The following TRPA1 variants were observed in gnomAD, a reference collection of about 807,000 sequenced individuals.
The protein encoded by TRPA1 is ankyrin-like with transmembrane domains 1.
TRPA1 carries 129 observed loss-of-function variants against 131.3 expected under a neutral mutation model. The ratio of observed to expected loss-of-function variants is 0.98; its 90% confidence interval spans 0.85 to 1.14. The LOEUF (loss-of-function observed/expected upper bound fraction) is 1.14. Ranked by LOEUF, TRPA1 falls within the 50% of genes most tolerant of loss-of-function variation. TRPA1 has a pLI of 0.00. For missense variants in TRPA1, 1,304 were observed against 1,354.2 expected, an observed-to-expected ratio of 0.96 and a Z score of 0.58; for synonymous variants, 441 against 451.7, an observed-to-expected ratio of 0.98 and a Z score of 0.30.
At chr8:72,087,443 C>T in the TRPA1 span, among the ~76,000 whole-genome samples, 6 of 152,104 alleles carry the variant, frequency 3.9e-5, no homozygotes, top group African/African-American at 1.2e-4. Context: ...CATATAGATG[C>T]TCCTGTACTT....
chr8:72,043,364 A>C (rs1440831512), intron 17 of TRPA1, among the ~76,000 whole-genome samples: 1 of 151,908 alleles, frequency 6.6e-6, no homozygotes. Context: ...ACAGCCTAGA[A>C]ACATATGAAT....
rs1585859517 is a variant in TRPA1, at chr8:72,044,499, T to TATTTTTTTATTTGC, written c.2061+2013_2061+2014insGCAAATAAAAAAAT. Among the ~76,000 whole-genome samples, 3 of 152,108 alleles carry TATTTTTTTATTTGC rather than the reference T, an allele frequency of 2.0e-5. No individual in the cohort carries two copies. In the East Asian group the frequency reaches 5.8e-4, roughly 29 times the overall value. ...AAACTAATAACAAATACAGAAAACCTACCCCTTGAGGCATGCAAGTACATT... is the reference window on the plus strand; with the variant it reads ...AAACTAATAACAAATACAGAAAACCTATTTTTTTATTTGCACCCCTTGAGGCATGCAAGTACATT... On this transcript the variant is annotated intron_variant, in intron 17 of 26. Transcript: ENST00000262209.
chr8:72,039,078 T>C (rs774555509), intron 18 of TRPA1, 51 bp from the exon 19 acceptor site: 40 of 1,583,248 alleles, frequency 2.5e-5, no homozygotes, highest in African/African-American at 5.4e-5. Flanking sequence ...CAAAAATATT[T>C]ACTTAAGATA....
rs1307882805 is a variant in TRPA1, at chr8:72,033,813, G to C, written c.2699C>G (p.Ser900Cys). The C allele has an allele frequency of 2.5e-6, 4 of 1,613,860 alleles. No individual in the cohort carries two copies. The highest frequency in any genetic ancestry group is 2.7e-5 in the African/African-American group (2 of 74,910). The change falls in exon 23 of 27, where the codon TCT (serine) becomes TGT (cysteine). Residue 900 changes from serine (S) to cysteine (C), a missense_variant. Coordinates refer to ENST00000262209, the MANE Select transcript of TRPA1 (RefSeq NM_007332.3). ...ILLNLQDPFS[S>C]PLLSIIQTFS... ...GGTCTGGATTATAGAAAGCAATGGA[G>C]AGCTGAAGGGATCCTGAAAGCAGAC...
At chr8:72,054,136 G>A in intron 12 of TRPA1, 1 of 449,052 alleles carries the variant, frequency 2.2e-6, no homozygotes, top group Non-Finnish European at 4.1e-6. Flanking sequence ...AACACTTTGG[G>A]GTAGGAGAAG....
At chr8:72,068,772 G>A (rs936529029) in intron 3 of TRPA1, among the ~76,000 whole-genome samples, 4 of 152,180 alleles carry the variant, frequency 2.6e-5, no homozygotes, top group African/African-American at 9.7e-5. Context: ...TTGCTTAGAT[G>A]AGAATTCAAT....
intron 2 of TRPA1, 83 bp downstream of exon 2, chr8:72,071,628 T>G: frequency 6.5e-7 from 1 of 1,529,142 alleles, no homozygotes; most frequent in Non-Finnish European, 9.0e-7. Context: ...CTAATTACCC[T>G]TAAAAATCAC....
At chr8:72,056,830 TATA>T (rs1325007870) in intron 10 of TRPA1, 84 bp downstream of exon 10, 15 of 932,720 alleles carry the variant, frequency 1.6e-5, no homozygotes, top group African/African-American at 3.3e-5. Context: ...AATCAGTTTA[TATA>T]ATAACAAAAA....
chr8:72,075,633 G>C, upstream of TRPA1: 1 of 563,196 alleles, frequency 1.8e-6, no homozygotes, highest in Non-Finnish European at 3.2e-6. Context: ...AAGCAGGCGG[G>C]GCGCGGAGAG....
chr8:72,026,889 T>C (rs1486293398), intron 24 of TRPA1, among the ~76,000 whole-genome samples: 2 of 152,164 alleles, frequency 1.3e-5, no homozygotes, highest in Non-Finnish European at 2.9e-5. Flanking sequence ...GTAAGAACTT[T>C]CCTGACACCA....
intron 15 of TRPA1, among the ~76,000 whole-genome samples, chr8:72,049,947 T>C (rs1184438546): frequency 6.8e-6 from 1 of 148,064 alleles, no homozygotes; most frequent in Non-Finnish European, 1.5e-5. Context: ...TTTTTTTTTT[T>C]AATTTTTATT....
rs572580669 is a variant in TRPA1 at position 72,021,763 on chromosome 8, A to T, written c.*1143T>A. 10 of 152,302 alleles carry T rather than the reference A, an allele frequency of 6.6e-5. No individual in the cohort carries two copies. Among genetic ancestry groups the T allele is most frequent in the African/African-American group, 2.4e-4 (10 of 41,566 alleles). The allele number at this position is 152,302 out of a possible 1,614,324, so 9.4% of individuals were successfully genotyped here. A position where few individuals can be genotyped will look rare whatever the true frequency, so the allele number is the denominator to read the frequency against. On this transcript the variant is annotated 3_prime_UTR_variant, in exon 27 of 27. Transcript: ENST00000262209. ...GGCCCCGTACTAGATGGAATACAGT[A>T]ACACAGTTGTATCTTGTAAACATCA...
chr8:72,034,807 T>C (rs1264084911), intron 21 of TRPA1, among the ~76,000 whole-genome samples: 2 of 152,168 alleles, frequency 1.3e-5, no homozygotes, highest in Non-Finnish European at 2.9e-5. Flanking sequence ...CTTCCCAAAG[T>C]GCTAGGATTG....
At chr8:72,089,388 C>T in the TRPA1 span, among the ~76,000 whole-genome samples, 4 of 151,998 alleles carry the variant, frequency 2.6e-5, no homozygotes, top group Non-Finnish European at 5.9e-5. Flanking sequence ...ACAACCCACA[C>T]GAGTAAGACC....
intron 25 of TRPA1, among the ~76,000 whole-genome samples, chr8:72,025,070 C>T (rs1286393286): frequency 6.6e-6 from 1 of 151,120 alleles, no homozygotes; most frequent in Non-Finnish European, 1.5e-5. Flanking sequence ...ACTTAATTAC[C>T]TCATTTTCTA....
At chr8:72,060,196 T>C (rs1052326350) in intron 7 of TRPA1, among the ~76,000 whole-genome samples, 2 of 151,834 alleles carry the variant, frequency 1.3e-5, no homozygotes, top group Admixed American at 1.3e-4. Context: ...GGCCCCATTT[T>C]CCTAAGATAA....
At chr8:72,078,541 G>A (rs912442724), upstream of TRPA1, among the ~76,000 whole-genome samples, 2 of 152,066 alleles carry the variant, frequency 1.3e-5, no homozygotes, top group South Asian at 4.1e-4. Context: ...CTTTTGCTTA[G>A]TATAATACAC....
At chr8:72,058,218 A>C (rs1805721860) in intron 8 of TRPA1, among the ~76,000 whole-genome samples, 1 of 152,206 alleles carries the variant, frequency 6.6e-6, no homozygotes, top group Non-Finnish European at 1.5e-5. Flanking sequence ...AACATTTACA[A>C]AACACCATTC....
the TRPA1 span, among the ~76,000 whole-genome samples, chr8:72,086,067 A>T: frequency 6.6e-6 from 1 of 151,622 alleles, no homozygotes; most frequent in African/African-American, 2.4e-5. Flanking sequence ...TGCTCGGCTA[A>T]TTTTTTTGTA....
Sources: gnomAD v4.1 joint callset for allele counts (sites outside exome capture counted in the v4.1 genomes callset) on GRCh38, gnomAD v4.1.1 for gene constraint, MANE v1.5 for transcripts, NCBI Gene and HGNC (gene_info 2026-07-23, HGNC 2026-07-21) for gene names.